Variants in GALNT17 observed in about 807,000 individuals in gnomAD.
GALNT17 encodes polypeptide N-acetylgalactosaminyltransferase 17, also known as UDP-GalNAc:polypeptide N-acetylgalactosaminyltransferase-like 3.
GALNT17 carries 29 observed loss-of-function variants against 63.7 expected under a neutral mutation model. That is an observed-to-expected ratio of 0.46 (90% CI 0.34 to 0.62). GALNT17 has a LOEUF of 0.62. GALNT17 is among the 20% of genes least tolerant of loss of function. The pLI, the probability that GALNT17 is intolerant of heterozygous loss-of-function variation, is 0.01. For missense variants in GALNT17, 603 were observed against 799.6 expected (o/e 0.75, Z 2.97); for synonymous variants, 305 against 318.3 (o/e 0.96, Z 0.45).
chr7:71,413,510 T>C (rs148187726), intron 3 of GALNT17, among the ~76,000 whole-genome samples: 6,916 of 151,010 alleles, frequency 0.046, 568 homozygotes, highest in African/African-American at 0.16. Flanking sequence ...GGATTACAGG[T>C]ACCCGCCACC....
Position 71,427,273 on chromosome 7 carries a change from T to A in GALNT17, c.962+6168T>A, listed in dbSNP as rs1211331790. 5.3e-5 allele frequency among the ~76,000 whole-genome samples: 8 copies of A among 151,688 alleles called. No individual in the cohort carries two copies. The South Asian group carries it at 1.7e-3, about 32-fold the overall frequency. ...ATTTTTATTTTAATTTTTTTTTGTA[T>A]TTTTAGTAGAGACGAGGTTTTACCG... On this transcript the variant is annotated intron_variant, in intron 5 of 10. Coordinates refer to ENST00000333538, the MANE Select transcript of GALNT17 (RefSeq NM_022479.3).
At chr7:71,141,493 G>A (rs1459651515) in intron 1 of GALNT17, among the ~76,000 whole-genome samples, 1 of 151,904 alleles carries the variant, frequency 6.6e-6, no homozygotes, top group Non-Finnish European at 1.5e-5. Flanking sequence ...ACTGTCATAT[G>A]TCAGGATGAC....
intron 6 of GALNT17, among the ~76,000 whole-genome samples, chr7:71,578,504 T>C (rs1789575753): frequency 6.6e-6 from 1 of 151,918 alleles, no homozygotes; most frequent in Admixed American, 6.6e-5. Context: ...CAGCTAATTG[T>C]TGTTTTTTGG....
intron 1 of GALNT17, among the ~76,000 whole-genome samples, chr7:71,173,389 T>G (rs760481068): frequency 1.5e-4 from 23 of 152,176 alleles, no homozygotes; most frequent in Non-Finnish European, 2.9e-4. Flanking sequence ...TGGGTATTGT[T>G]GCTTACTGGG....
chr7:71,148,867 T>C (rs936326785), intron 1 of GALNT17, among the ~76,000 whole-genome samples: 6 of 130,994 alleles, frequency 4.6e-5, no homozygotes, highest in South Asian at 4.5e-4. Context: ...TTTTTATATA[T>C]ATATATATAT....
intron 9 of GALNT17, among the ~76,000 whole-genome samples, chr7:71,682,213 C>T (rs1240144116): frequency 2.0e-5 from 3 of 152,026 alleles, no homozygotes. Flanking sequence ...AGGCAAGAGC[C>T]ACTGCGCCCG....
chr7:71,252,672 A>T (rs1790221232), intron 1 of GALNT17, among the ~76,000 whole-genome samples: 2 of 152,226 alleles, frequency 1.3e-5, no homozygotes. Flanking sequence ...AGAGAGTGTT[A>T]GATCATACAT....
chr7:71,438,903 G>T (rs1787016493), intron 5 of GALNT17, among the ~76,000 whole-genome samples: 1 of 146,168 alleles, frequency 6.8e-6, no homozygotes, highest in Non-Finnish European at 1.5e-5. Context: ...TTTTTTTTTG[G>T]AGACAAGGTC....
In GALNT17 at chr7:71,253,516, CT is replaced by C. The variant is rs766396594; in HGVS notation, c.239-82019del. 8.5e-3 allele frequency among the ~76,000 whole-genome samples: 1,203 copies of C among 141,880 alleles called. 13 individuals carry two copies. Among genetic ancestry groups the C allele is most frequent in the African/African-American group, 0.024 (943 of 38,746 alleles). The allele number at this position is 141,880 out of a possible 152,430, so 93.1% of individuals were successfully genotyped here. A position where few individuals can be genotyped will look rare whatever the true frequency, so the allele number is the denominator to read the frequency against. ...AGCCAAACCATATTACCTACTCTTC[CT>C]TTTTTTTTTTTTTTCCTTCGTCTCT... On this transcript the variant is annotated intron_variant, in intron 1 of 10. Coordinates refer to ENST00000333538, the MANE Select transcript of GALNT17 (RefSeq NM_022479.3).
Position 71,250,680 on chromosome 7 carries a change from C to T in GALNT17, c.239-84870C>T, listed in dbSNP as rs186372247. On this transcript the variant is annotated intron_variant, in intron 1 of 10. Transcript: ENST00000333538. ...CATTTAGTTCAGAATATAAATTTACCGTAGTGACAAAAACTGCAATTACTT... is the reference window on the plus strand; with the variant it reads ...CATTTAGTTCAGAATATAAATTTACTGTAGTGACAAAAACTGCAATTACTT... 8.0e-4 allele frequency among the ~76,000 whole-genome samples: 122 copies of T among 152,192 alleles called. No homozygotes were observed. The Middle Eastern group carries it at 0.01, about 13-fold the overall frequency.
At chr7:71,205,513 C>T (rs1290857169) in intron 1 of GALNT17, among the ~76,000 whole-genome samples, 1 of 152,140 alleles carries the variant, frequency 6.6e-6, no homozygotes, top group African/African-American at 2.4e-5. Context: ...GCCTCGAACT[C>T]CTGGGCTCAA....
At chr7:71,185,522 C>CTTTTTTTTTTTT (rs747181057) in intron 1 of GALNT17, among the ~76,000 whole-genome samples, 1 of 124,640 alleles carries the variant, frequency 8.0e-6, no homozygotes, top group Non-Finnish European at 1.6e-5. Context: ...CGTTTCTTTT[C>CTTTTTTTTTTTT]TTTTTTTTTT....
intron 1 of GALNT17, among the ~76,000 whole-genome samples, chr7:71,223,462 A>C (rs527386757): frequency 6.6e-6 from 1 of 152,086 alleles, no homozygotes; most frequent in East Asian, 1.9e-4. Flanking sequence ...AGCTTTGACC[A>C]CTGGGAACTC....
chr7:71,632,975 A>G (rs969682257), intron 6 of GALNT17, among the ~76,000 whole-genome samples: 1 of 151,674 alleles, frequency 6.6e-6, no homozygotes, highest in Non-Finnish European at 1.5e-5. Flanking sequence ...ATGGTGGCAC[A>G]CGCCTGTAAT....
At chr7:71,306,219 A>G (rs1452023205) in intron 1 of GALNT17, among the ~76,000 whole-genome samples, 1 of 152,074 alleles carries the variant, frequency 6.6e-6, no homozygotes, top group Admixed American at 6.6e-5. Context: ...GATTTGTCTC[A>G]AAATAAAATA....
chr7:71,303,294 T>C (rs1165525191), intron 1 of GALNT17, among the ~76,000 whole-genome samples: 3 of 152,120 alleles, frequency 2.0e-5, no homozygotes, highest in African/African-American at 7.2e-5. Context: ...GCAGAGACTA[T>C]AGGTGAACAC....
At chr7:71,424,594 T>C (rs4717594) in intron 5 of GALNT17, among the ~76,000 whole-genome samples, 108,395 of 152,150 alleles carry the variant, frequency 0.71, 38,921 homozygotes, top group Admixed American at 0.74. Flanking sequence ...GTGACATGCA[T>C]CTCTGTTGTA....
chr7:71,238,382 C>T (rs1004282538), intron 1 of GALNT17, among the ~76,000 whole-genome samples: 11 of 152,130 alleles, frequency 7.2e-5, no homozygotes, highest in African/African-American at 2.4e-4. Context: ...TTTAGAGAGA[C>T]ATGGTCTCAC....
chr7:71,561,987 G>A (rs1228181568), intron 5 of GALNT17, among the ~76,000 whole-genome samples: 3 of 151,304 alleles, frequency 2.0e-5, no homozygotes, highest in Non-Finnish European at 4.4e-5. Flanking sequence ...ATGGGGTCTC[G>A]CTCTGTCACC....
Sources: allele counts gnomAD v4.1 joint callset (sites outside exome capture counted in the v4.1 genomes callset), GRCh38; gene constraint gnomAD v4.1.1; transcripts MANE v1.5; gene names NCBI Gene and HGNC (gene_info 2026-07-23, HGNC 2026-07-21).